The following SMOC2 variants were observed in gnomAD, a reference collection of about 807,000 sequenced individuals.
The protein encoded by SMOC2 is SPARC-related modular calcium-binding protein 2.
Under a neutral mutation model 61.4 loss-of-function variants are expected in SMOC2, and 39 were observed. The observed-to-expected ratio is 0.64, with a 90% CI of 0.49 to 0.83. SMOC2 has a LOEUF of 0.83. SMOC2 is among the 40% of genes least tolerant of loss of function. The probability of loss-of-function intolerance (pLI) is 0.00; values close to 1 mark genes in which losing one functional copy is unlikely to be tolerated. For missense variants in SMOC2, 556 were observed against 592.9 expected (o/e 0.94, Z 0.65); for synonymous variants, 247 against 239.9 (o/e 1.03, Z -0.27).
intron 1 of SMOC2, among the ~76,000 whole-genome samples, chr6:168,484,704 G>C (rs1782289201): frequency 6.6e-6 from 1 of 152,216 alleles, no homozygotes; most frequent in African/African-American, 2.4e-5. Context: ...GAGGCCACCA[G>C]CAGATGAATA....
At chr6:168,518,682 G>A (rs1783219059) in intron 2 of SMOC2, among the ~76,000 whole-genome samples, 1 of 139,560 alleles carries the variant, frequency 7.2e-6, no homozygotes, top group Admixed American at 7.1e-5. Context: ...GTGCTTGTGT[G>A]TGAATGTGTA....
intron 1 of SMOC2, among the ~76,000 whole-genome samples, chr6:168,486,680 T>G (rs772866705): frequency 4.0e-5 from 6 of 151,776 alleles, no homozygotes; most frequent in African/African-American, 7.3e-5. Context: ...AGTAACTGTT[T>G]TGGAGGCTGA....
At chr6:168,652,596 A>G (rs568475956) in intron 10 of SMOC2, among the ~76,000 whole-genome samples, 1 of 152,350 alleles carries the variant, frequency 6.6e-6, no homozygotes, top group African/African-American at 2.4e-5. Flanking sequence ...TCACATTTAC[A>G]GGGCTAGAAA....
intron 1 of SMOC2, among the ~76,000 whole-genome samples, chr6:168,472,736 A>G (rs759271677): frequency 2.0e-4 from 31 of 152,152 alleles, no homozygotes; most frequent in South Asian, 4.1e-4. Flanking sequence ...CCTCCAAGGC[A>G]TAATTAGGAC....
Position 168,511,811 on chromosome 6 carries a change from G to GTTTTTTTTTTTTTTTTTTTT in SMOC2, c.256+1727_256+1728insTTTTTTTTTTTTTTTTTTTT, listed in dbSNP as rs144317852. ...GACAAATGGCTATTCATTATCAAGGGTTGTTTTTTTTTTTTTTTCTGAAAT... is the reference window on the plus strand; with the variant it reads ...GACAAATGGCTATTCATTATCAAGGGTTTTTTTTTTTTTTTTTTTTTTGTTTTTTTTTTTTTTTCTGAAAT... On this transcript the variant is annotated intron_variant, in intron 2 of 12. Coordinates refer to ENST00000356284, the MANE Select transcript of SMOC2 (RefSeq NM_001166412.2). Among the ~76,000 whole-genome samples the GTTTTTTTTTTTTTTTTTTTT allele has an allele frequency of 3.8e-5, 5 of 130,734 alleles. 2 individuals carry two copies. Among genetic ancestry groups the GTTTTTTTTTTTTTTTTTTTT allele is most frequent in the African/African-American group, 8.2e-5 (3 of 36,726 alleles). The allele number at this position is 130,734 out of a possible 152,430, so 85.8% of individuals were successfully genotyped here. A position where few individuals can be genotyped will look rare whatever the true frequency, so the allele number is the denominator to read the frequency against.
At chr6:168,527,902 C>T (rs1783493485) in intron 4 of SMOC2, among the ~76,000 whole-genome samples, 175 bp downstream of exon 4, 1 of 152,200 alleles carries the variant, frequency 6.6e-6, no homozygotes, top group African/African-American at 2.4e-5. Flanking sequence ...TTAGGGAGCC[C>T]TTGTTTTTAA....
At chr6:168,601,088 G>T (rs1785541520) in intron 8 of SMOC2, among the ~76,000 whole-genome samples, 1 of 152,208 alleles carries the variant, frequency 6.6e-6, no homozygotes, top group African/African-American at 2.4e-5. Flanking sequence ...TAATGCTTAG[G>T]CATGAGCATT....
intron 1 of SMOC2, among the ~76,000 whole-genome samples, chr6:168,447,926 C>A (rs898638860): frequency 1.9e-4 from 29 of 151,824 alleles, no homozygotes; most frequent in Admixed American, 5.2e-4. Context: ...TCAGTGAAGG[C>A]GCTAGAATCA....
In SMOC2 at chr6:168,634,447, T is replaced by C. The variant is rs564993124; in HGVS notation, c.908-16234T>C. 9.8e-5 allele frequency among the ~76,000 whole-genome samples: 15 copies of C among 152,306 alleles called. No homozygotes were observed. In the East Asian group the frequency reaches 2.9e-3, roughly 29 times the overall value. On this transcript the variant is annotated intron_variant, in intron 9 of 12. Transcript: ENST00000356284. ...GGGGATATTCTCCCCAGGTGGTCAA[T>C]AGATTTAAGAGTGGGTCATAGGTCT... is the stretch of plus-strand genomic sequence containing the variant.
chr6:168,650,935 G>A lies in SMOC2; in HGVS notation c.1010+152G>A, dbSNP rs537539460. 8.6e-5 allele frequency: 60 copies of A among 694,730 alleles called. 1 individual carries two copies. The South Asian group carries it at 1.1e-3, about 13-fold the overall frequency. 43.0% of individuals were successfully genotyped at this position (694,730 alleles called of 1,614,324 possible). ...GAGCCTTCTGCAAACACAGGAAGTT[G>A]CTTAGCAGGTTTTCTTGTAGCAAGA... On this transcript the variant is annotated intron_variant, in intron 10 of 12. Transcript: ENST00000356284.
chr6:168,498,252 C>T (rs888502047), intron 1 of SMOC2, among the ~76,000 whole-genome samples: 2 of 152,194 alleles, frequency 1.3e-5, no homozygotes, highest in African/African-American at 4.8e-5. Flanking sequence ...CCTGGCTTTC[C>T]AGGTTACTCT....
At chr6:168,516,961 A>G (rs1783153246) in intron 2 of SMOC2, among the ~76,000 whole-genome samples, 1 of 152,114 alleles carries the variant, frequency 6.6e-6, no homozygotes, top group African/African-American at 2.4e-5. Context: ...CTGAAGAAAA[A>G]AGGTTACTGC....
rs558204356 is a variant in SMOC2 at position 168,557,424 on chromosome 6, C to G, written c.637+8221C>G. Reference sequence around the variant, plus strand: ...TATTTGATTCTCAGATTTCAATATTCAATCACACTGTGGTTAAGTAATCAG... The same window carrying G: ...TATTTGATTCTCAGATTTCAATATTGAATCACACTGTGGTTAAGTAATCAG... On this transcript the variant is annotated intron_variant, in intron 7 of 12. Transcript: ENST00000356284. Among the ~76,000 whole-genome samples the G allele has an allele frequency of 2.6e-5, 4 of 152,336 alleles. No homozygotes were observed. The South Asian group carries it at 8.3e-4, about 32-fold the overall frequency.
intron 9 of SMOC2, among the ~76,000 whole-genome samples, chr6:168,627,606 G>C (rs1412714128): frequency 6.6e-6 from 1 of 152,138 alleles, no homozygotes; most frequent in African/African-American, 2.4e-5. Flanking sequence ...CCATTCAATG[G>C]AGTGATATAT....
At chr6:168,530,636 A>ACCCCCCCCCCCCCCC (rs1783568507) in intron 4 of SMOC2, among the ~76,000 whole-genome samples, 1 of 40,250 alleles carries the variant, frequency 2.5e-5, no homozygotes, top group Non-Finnish European at 5.4e-5. Context: ...GTCACGGTGC[A>ACCCCCCCCCCCCCCC]ACCCCCCCCC....
chr6:168,539,070 G>A (rs62424689), intron 4 of SMOC2, among the ~76,000 whole-genome samples: 16,691 of 152,054 alleles, frequency 0.11, 1,000 homozygotes, highest in Middle Eastern at 0.18. Flanking sequence ...ACTGTGGCTC[G>A]TGCTCCCTGA....
intron 8 of SMOC2, among the ~76,000 whole-genome samples, chr6:168,605,022 T>TA (rs1785651731): frequency 6.6e-6 from 1 of 152,082 alleles, no homozygotes; most frequent in Non-Finnish European, 1.5e-5. Context: ...CCATGAATGG[T>TA]AGAGTCCAGG....
chr6:168,648,986 G>A (rs1399989571), intron 9 of SMOC2, among the ~76,000 whole-genome samples: 6 of 152,110 alleles, frequency 3.9e-5, no homozygotes, highest in East Asian at 3.9e-4. Context: ...GGTGGTCCAC[G>A]CCAACGTGCC....
Position 168,549,017 on chromosome 6 carries a change from G to T in SMOC2, c.563-112G>T, listed in dbSNP as rs1040092881. ...CTATTTCTTTACAAATGTACAATGT[G>T]TGTTATGTTGATTTATTTTGGCTGT... On this transcript the variant is annotated intron_variant, in intron 6 of 12. Coordinates refer to ENST00000356284, the MANE Select transcript of SMOC2 (RefSeq NM_001166412.2). The T allele has an allele frequency of 1.2e-5, 9 of 775,952 alleles. No individual in the cohort carries two copies. The South Asian group carries it at 1.3e-4, about 11-fold the overall frequency. The allele number at this position is 775,952 out of a possible 1,614,324, so 48.1% of individuals were successfully genotyped here. A position where few individuals can be genotyped will look rare whatever the true frequency, so the allele number is the denominator to read the frequency against.
Sources: gnomAD v4.1 joint callset for allele counts (sites outside exome capture counted in the v4.1 genomes callset) on GRCh38, gnomAD v4.1.1 for gene constraint, MANE v1.5 for transcripts, NCBI Gene and HGNC (gene_info 2026-07-23, HGNC 2026-07-21) for gene names.